Variants in GMPS observed in about 807,000 individuals in gnomAD.
GMPS encodes the protein guanosine monophosphate synthase, also known as GMP synthase [glutamine-hydrolyzing].
Under a neutral mutation model 77.9 loss-of-function variants are expected in GMPS, and 15 were observed. The observed-to-expected ratio is 0.19, with a 90% CI of 0.13 to 0.30. The LOEUF (loss-of-function observed/expected upper bound fraction) is 0.30. GMPS is among the 10% of genes least tolerant of loss of function. The pLI, the probability that GMPS is intolerant of heterozygous loss-of-function variation, is 1.00. For missense variants in GMPS, 590 were observed against 838.8 expected, an observed-to-expected ratio of 0.70 and a Z score of 3.66; for synonymous variants, 224 against 275.9, an observed-to-expected ratio of 0.81 and a Z score of 1.86.
chr3:155,938,998 A>T lies in GMPS; in HGVS notation c.*1306A>T, dbSNP rs12486864. On this transcript the variant is annotated 3_prime_UTR_variant, in exon 16 of 16. Coordinates refer to ENST00000496455, the MANE Select transcript of GMPS (RefSeq NM_003875.3). The stretch of plus-strand genomic sequence containing the variant: ...TAAAAGGTCAGATCTATTAATCAGG[A>T]ATGAAATTTTATTTGGGATTCAGTG... 0.058 allele frequency: 12,716 copies of T among 218,688 alleles called. 529 individuals are homozygous for T. The highest frequency in any genetic ancestry group is 0.17 in the South Asian group (918 of 5,410). 13.5% of individuals were successfully genotyped at this position (218,688 alleles called of 1,614,324 possible).
intron 1 of GMPS, among the ~76,000 whole-genome samples, chr3:155,872,493 G>C (rs1753929719): frequency 6.6e-6 from 1 of 152,140 alleles, no homozygotes; most frequent in Non-Finnish European, 1.5e-5. Context: ...TGAAATAACT[G>C]GTGTTAGAAG....
intron 14 of GMPS, 43 bp downstream of exon 14, chr3:155,935,089 T>A: frequency 7.0e-7 from 1 of 1,430,970 alleles, no homozygotes; most frequent in Non-Finnish European, 9.9e-7. Flanking sequence ...TGAAACTAGT[T>A]TTTGGAAGCT....
intron 15 of GMPS, among the ~76,000 whole-genome samples, chr3:155,936,723 G>A (rs1287543893): frequency 6.6e-6 from 1 of 151,922 alleles, no homozygotes; most frequent in Admixed American, 6.6e-5. Context: ...TGTGATTACT[G>A]TATAAAAAGT....
At chr3:155,877,731 A>G (rs1463639337) in intron 1 of GMPS, among the ~76,000 whole-genome samples, 1 of 151,782 alleles carries the variant, frequency 6.6e-6, no homozygotes, top group African/African-American at 2.4e-5. Context: ...CTGCAGATTC[A>G]GTGCCTGGTG....
At chr3:155,928,887 T>A (rs1473790589) in intron 12 of GMPS, among the ~76,000 whole-genome samples, 12 of 151,580 alleles carry the variant, frequency 7.9e-5, no homozygotes, top group Non-Finnish European at 1.8e-4. Flanking sequence ...TATGGCTGCA[T>A]AGTATTCCAT....
intron 8 of GMPS, 56 bp from the exon 9 acceptor site, chr3:155,915,961 CTT>C (rs1484795090): frequency 4.3e-6 from 5 of 1,168,782 alleles, no homozygotes; most frequent in Non-Finnish European, 6.1e-6. Context: ...AAAGTATAAA[CTT>C]TTGCTTTTAA....
At chr3:155,915,241 T>G (rs930216674) in intron 8 of GMPS, among the ~76,000 whole-genome samples, 1 of 134,752 alleles carries the variant, frequency 7.4e-6, no homozygotes, top group Non-Finnish European at 1.7e-5. Flanking sequence ...TGTTTTTGTT[T>G]TTTTTTTTTT....
chr3:155,909,365 T>C (rs1382251771), intron 5 of GMPS, among the ~76,000 whole-genome samples: 1 of 152,196 alleles, frequency 6.6e-6, no homozygotes, highest in African/African-American at 2.4e-5. Context: ...TCTTTTAATA[T>C]AAGAACTTGG....
chr3:155,871,445 C>T (rs1207071827), intron 1 of GMPS, among the ~76,000 whole-genome samples: 1 of 152,196 alleles, frequency 6.6e-6, no homozygotes, highest in Non-Finnish European at 1.5e-5. Context: ...CTCCATTCCC[C>T]CCGCCAGCCT....
intron 3 of GMPS, among the ~76,000 whole-genome samples, chr3:155,902,047 G>A (rs1754748515): frequency 6.6e-6 from 1 of 152,156 alleles, no homozygotes; most frequent in Non-Finnish European, 1.5e-5. Context: ...GATAAGAGGA[G>A]ATGATCTGAT....
chr3:155,874,758 C>T (rs914155711), intron 1 of GMPS, among the ~76,000 whole-genome samples: 9 of 151,736 alleles, frequency 5.9e-5, no homozygotes, highest in African/African-American at 1.9e-4. Context: ...ATAGACTTGT[C>T]TTATACTTGT....
At chr3:155,878,713 A>G (rs553273944) in intron 1 of GMPS, among the ~76,000 whole-genome samples, 40 of 152,304 alleles carry the variant, frequency 2.6e-4, no homozygotes, top group African/African-American at 9.4e-4. Flanking sequence ...ATATGAGAGG[A>G]AATTTGTTAG....
chr3:155,918,927 A>G (rs549670574), intron 9 of GMPS, among the ~76,000 whole-genome samples: 3 of 152,190 alleles, frequency 2.0e-5, no homozygotes, highest in African/African-American at 7.2e-5. Flanking sequence ...GAACACTAGT[A>G]TATTTTCTAA....
intron 1 of GMPS, among the ~76,000 whole-genome samples, chr3:155,889,005 G>A (rs1321455973): frequency 2.6e-5 from 4 of 152,166 alleles, no homozygotes; most frequent in Non-Finnish European, 5.9e-5. Context: ...GGTATTACAG[G>A]CTTTAGTCAC....
At chr3:155,914,379 A>G (rs772802199) in intron 7 of GMPS, 40 bp from the exon 8 acceptor site, 5 of 1,397,420 alleles carry the variant, frequency 3.6e-6, no homozygotes, top group East Asian at 5.2e-5. Flanking sequence ...ATTAAAAAAC[A>G]TGTTATACCA....
intron 1 of GMPS, among the ~76,000 whole-genome samples, chr3:155,886,407 C>G (rs187617714): frequency 1.3e-5 from 2 of 151,092 alleles, no homozygotes; most frequent in Non-Finnish European, 3.0e-5. Flanking sequence ...AACCCCGTCT[C>G]TACTAAAAAT....
chr3:155,882,419 C>T (rs554313279), intron 1 of GMPS, among the ~76,000 whole-genome samples: 7 of 152,236 alleles, frequency 4.6e-5, no homozygotes, highest in African/African-American at 9.6e-5. Flanking sequence ...TTACATATGT[C>T]TGGTTGTCTG....
At position 155,870,800 on chromosome 3, in the gene GMPS, G is replaced by T; in HGVS notation, c.-71G>T. The T allele has an allele frequency of 5.6e-6, 6 of 1,076,534 alleles. No individual in the cohort carries two copies. Among genetic ancestry groups the T allele is most frequent in the Non-Finnish European group, 8.1e-6 (6 of 744,188 alleles). 66.7% of individuals were successfully genotyped at this position (1,076,534 alleles called of 1,614,324 possible). The stretch of plus-strand genomic sequence containing the variant: ...CTTCTCAACCTCAGCCCGCGGCGCC[G>T]ACCCTTCCGGCACCCTCCCGCCCCG... On this transcript the variant is annotated 5_prime_UTR_variant, in exon 1 of 16. Transcript: ENST00000496455.
In GMPS at chr3:155,942,323, C is replaced by T. The variant is rs1209533564; in HGVS notation, c.*4631C>T. On this transcript the variant is annotated 3_prime_UTR_variant, in exon 16 of 16. Coordinates refer to ENST00000496455, the MANE Select transcript of GMPS (RefSeq NM_003875.3). ...CAGGATGGTCTCGATCTCCCGACCT[C>T]ATGATCCGCCCGCCTCGGCCTCTCA... 2 of 192,640 alleles carry T rather than the reference C, an allele frequency of 1.0e-5. No individual in the cohort carries two copies. Among genetic ancestry groups the T allele is most frequent in the Non-Finnish European group, 2.2e-5 (2 of 92,288 alleles). 11.9% of individuals were successfully genotyped at this position (192,640 alleles called of 1,614,324 possible).
Sources: allele counts gnomAD v4.1 joint callset (sites outside exome capture counted in the v4.1 genomes callset), GRCh38; gene constraint gnomAD v4.1.1; transcripts MANE v1.5; gene names NCBI Gene and HGNC (gene_info 2026-07-23, HGNC 2026-07-21).